Variants in MLLT1 observed in about 807,000 individuals in gnomAD.
The protein encoded by MLLT1 is MLLT1 super elongation complex subunit, also known as protein ENL.
In MLLT1, 11 loss-of-function variants were observed where a neutral mutation model predicts 55.1. The observed-to-expected ratio is 0.20, with a 90% CI of 0.13 to 0.33. MLLT1 has a LOEUF of 0.33. Ranked by LOEUF, MLLT1 falls within the 10% of genes least tolerant of loss-of-function variation. The pLI, the probability that MLLT1 is intolerant of heterozygous loss-of-function variation, is 1.00. For missense variants in MLLT1, 536 were observed against 760.6 expected (o/e 0.70, Z 3.47); for synonymous variants, 323 against 320.1 (o/e 1.01, Z -0.10).
intron 3 of MLLT1, among the ~76,000 whole-genome samples, chr19:6,236,493 C>T (rs183800177): frequency 3.9e-5 from 6 of 152,236 alleles, no homozygotes; most frequent in African/African-American, 7.2e-5. Flanking sequence ...CGAGGAGACC[C>T]GGCATGTTCA....
intron 1 of MLLT1, among the ~76,000 whole-genome samples, chr19:6,277,189 G>T (rs1048910675): frequency 6.6e-6 from 1 of 152,334 alleles, no homozygotes; most frequent in East Asian, 1.9e-4. Context: ...TGTTTCCCCA[G>T]GGGCCTCCGG....
At position 6,212,242 on chromosome 19, in the gene MLLT1, G is replaced by C; in HGVS notation, c.*800C>G. The C allele has an allele frequency of 9.4e-7, 1 of 1,065,766 alleles. No individual in the cohort carries two copies. The highest frequency in any genetic ancestry group is 1.1e-6 in the Non-Finnish European group (1 of 879,410). The allele number at this position is 1,065,766 out of a possible 1,614,324, so 66.0% of individuals were successfully genotyped here. On this transcript the variant is annotated 3_prime_UTR_variant, in exon 12 of 12. Transcript: ENST00000252674. ...CCCTGAGGACTCGCTGCCCTTTGTAGTGTTGGCTGACCCCCCCGGGAGCCC... is the reference window on the plus strand; with the variant it reads ...CCCTGAGGACTCGCTGCCCTTTGTACTGTTGGCTGACCCCCCCGGGAGCCC...
intron 3 of MLLT1, among the ~76,000 whole-genome samples, chr19:6,238,780 G>A (rs750867335): frequency 1.3e-5 from 2 of 151,930 alleles, no homozygotes; most frequent in African/African-American, 4.8e-5. Context: ...GGCCTTCTCC[G>A]GCCAGCAGCA....
In MLLT1 at chr19:6,240,385, C is replaced by T. The variant is rs144412655; in HGVS notation, c.277-9672G>A. ...CAAACTCCACTGTGGAGCACGCTGC[C>T]GCCACTGGAAGGAGCTCGACAGACA... On this transcript the variant is annotated intron_variant, in intron 3 of 11. Coordinates refer to ENST00000252674, the MANE Select transcript of MLLT1 (RefSeq NM_005934.4). The surrounding 1 kb of genome is among the most constrained non-coding windows in gnomAD (Gnocchi z 4.7). Among the ~76,000 whole-genome samples, 3 of 152,356 alleles carry T rather than the reference C, an allele frequency of 2.0e-5. No homozygotes were observed. The highest frequency in any genetic ancestry group is 6.5e-5 in the Admixed American group (1 of 15,312).
intron 3 of MLLT1, among the ~76,000 whole-genome samples, chr19:6,232,699 G>T (rs537424517): frequency 6.6e-6 from 1 of 152,200 alleles, no homozygotes; most frequent in Non-Finnish European, 1.5e-5. Context: ...GTACCTTGGC[G>T]GGTGGGAAGT....
At chr19:6,267,036 G>T (rs115317018) in intron 2 of MLLT1, among the ~76,000 whole-genome samples, 18 of 152,028 alleles carry the variant, frequency 1.2e-4, no homozygotes, top group Middle Eastern at 3.2e-3. Context: ...AAGCAGAGGC[G>T]GGAGGACTGC....
chr19:6,241,611 C>T (rs1198653441), intron 3 of MLLT1, among the ~76,000 whole-genome samples: 2 of 152,232 alleles, frequency 1.3e-5, no homozygotes, highest in African/African-American at 4.8e-5. Context: ...CTGGGGTGGC[C>T]GTGGCGGGCG....
chr19:6,273,436 G>A lies in MLLT1; in HGVS notation c.13-2677C>T, dbSNP rs980254050. Among the ~76,000 whole-genome samples the A allele has an allele frequency of 1.3e-5, 2 of 152,154 alleles. No homozygotes were observed. Among genetic ancestry groups the A allele is most frequent in the Non-Finnish European group, 2.9e-5 (2 of 68,020 alleles). ...TCAGGCGCACTCATAAACCCCCGGCGCTGCGGATTCATGAGGATCTCAGGT... is the reference window on the plus strand; with the variant it reads ...TCAGGCGCACTCATAAACCCCCGGCACTGCGGATTCATGAGGATCTCAGGT... On this transcript the variant is annotated intron_variant, in intron 1 of 11. Coordinates refer to ENST00000252674, the MANE Select transcript of MLLT1 (RefSeq NM_005934.4). This position sits in a 1 kb window ranked among gnomAD's most constrained non-coding sequence, Gnocchi z 4.3.
chr19:6,264,146 TA>T (rs537916471), intron 2 of MLLT1, among the ~76,000 whole-genome samples: 75 of 151,010 alleles, frequency 5.0e-4, no homozygotes, highest in Non-Finnish European at 9.0e-4. Context: ...AAGCGGTTAT[TA>T]AAAAAAAACA....
At chr19:6,258,220 T>C (rs1036373725) in intron 3 of MLLT1, among the ~76,000 whole-genome samples, 1 of 152,054 alleles carries the variant, frequency 6.6e-6, no homozygotes, top group Admixed American at 6.5e-5. Context: ...CTATTCCCCA[T>C]AGCAAATGGG....
At chr19:6,216,820 C>T (rs560358912) in intron 7 of MLLT1, 1 of 374,440 alleles carries the variant, frequency 2.7e-6, no homozygotes, top group South Asian at 3.3e-5. Flanking sequence ...GGAGGAGAAC[C>T]CCTCCTCTGC....
At chr19:6,245,686 C>T (rs9676474) in intron 3 of MLLT1, among the ~76,000 whole-genome samples, 42,356 of 151,396 alleles carry the variant, frequency 0.28, 6,823 homozygotes, top group African/African-American at 0.44. Context: ...ACTCCAGCCT[C>T]GGCGACAGAG....
chr19:6,239,800 ACACT>A (rs891395663), intron 3 of MLLT1, among the ~76,000 whole-genome samples: 6 of 152,172 alleles, frequency 3.9e-5, no homozygotes, highest in Non-Finnish European at 8.8e-5. Context: ...GTACACATAC[ACACT>A]CACATGCACA....
rs1283236852 is a variant in MLLT1 at position 6,213,092 on chromosome 19, C to T, written c.1630G>A (p.Glu544Lys). The change falls in exon 12 of 12, where the codon GAG (glutamate) becomes AAG (lysine). Residue 544 changes from glutamate to lysine, a missense_variant. Physicochemically the swap from Glu to Lys is moderately conservative, Grantham distance 56 (BLOSUM62 1). Transcript: ENST00000252674. ...CTCTGCAGTTTGCGCACGGTGGTCT[C>T]GTCCAGGGAGAAGAGGTCGAAGTCG... Reference protein sequence around the residue: ...TFDFDLFSLDETTVRKLQSCL... With the variant: ...TFDFDLFSLDKTTVRKLQSCL... 5.0e-6 allele frequency: 8 copies of T among 1,613,794 alleles called. No homozygotes were observed. The highest frequency in any genetic ancestry group is 1.7e-5 in the Admixed American group (1 of 59,998).
chr19:6,249,108 T>C (rs1289541264), intron 3 of MLLT1, among the ~76,000 whole-genome samples: 1 of 152,110 alleles, frequency 6.6e-6, no homozygotes, highest in Non-Finnish European at 1.5e-5. Flanking sequence ...AATTGAGACG[T>C]GCAGCAAGTA....
rs1219739505 is a variant in MLLT1, at chr19:6,219,467, G to A, written c.1111-1426C>T. ...CCTGGACTTCTGTTCTTGGGGGCCA[G>A]GGGTGAGTAAGAGGTGACCGAGAGA... On this transcript the variant is annotated intron_variant, in intron 6 of 11. Transcript: ENST00000252674. This position sits in a 1 kb window ranked among gnomAD's most constrained non-coding sequence, Gnocchi z 4.5. 1.3e-5 allele frequency among the ~76,000 whole-genome samples: 2 copies of A among 152,200 alleles called. No individual in the cohort carries two copies. The highest frequency in any genetic ancestry group is 2.9e-5 in the Non-Finnish European group (2 of 68,016).
chr19:6,252,486 A>G (rs372926328), intron 3 of MLLT1, among the ~76,000 whole-genome samples: 1 of 152,346 alleles, frequency 6.6e-6, no homozygotes, highest in African/African-American at 2.4e-5. Flanking sequence ...ACAACAACCA[A>G]TGGGTCAAAG....
chr19:6,215,356 C>G (rs1336978632), intron 8 of MLLT1, among the ~76,000 whole-genome samples: 1 of 152,244 alleles, frequency 6.6e-6, no homozygotes, highest in Admixed American at 6.5e-5. Flanking sequence ...CTGAATGTCA[C>G]CGAACGAGGC....
intron 3 of MLLT1, among the ~76,000 whole-genome samples, chr19:6,234,882 G>C (rs2091045163): frequency 6.9e-6 from 1 of 145,758 alleles, no homozygotes; most frequent in African/African-American, 2.6e-5. Flanking sequence ...TCTCATCAAT[G>C]TCCTGATTCA....
Sources: gnomAD v4.1 joint callset for allele counts (sites outside exome capture counted in the v4.1 genomes callset) on GRCh38, gnomAD v4.1.1 for gene constraint, Gnocchi (gnomAD v3.1) non-coding constraint, MANE v1.5 for transcripts, NCBI Gene and HGNC (gene_info 2026-07-23, HGNC 2026-07-21) for gene names.